SRCIN1: variants seen among roughly 807,000 people sequenced by gnomAD.
SRCIN1 encodes P130Cas-associated protein.
SRCIN1 carries 50 observed loss-of-function variants against 116.2 expected under a neutral mutation model. The ratio of observed to expected loss-of-function variants is 0.43; its 90% CI spans 0.34 to 0.54. The LOEUF (loss-of-function observed/expected upper bound fraction) is 0.54, where lower values mean the gene tolerates loss of function less well. Ranked by LOEUF, SRCIN1 falls within the 20% of genes least tolerant of loss-of-function variation. The probability of loss-of-function intolerance (pLI) is 0.02; values close to 1 mark genes in which losing one functional copy is unlikely to be tolerated. For synonymous variants in SRCIN1, 736 were observed against 750.0 expected (o/e 0.98, Z 0.30); for missense variants, 1,446 against 1,672.0 (o/e 0.86, Z 2.36).
Position 38,563,600 on chromosome 17 carries a change from G to T in SRCIN1, c.542-79C>A. ...CCAGGAGAGCGCGGGGAGCTTTTCG[G>T]AGCTGCGCCAGCCCCGCAGCGGCAG... On this transcript the variant is annotated intron_variant, in intron 4 of 18. Coordinates refer to ENST00000617146, the MANE Select transcript of SRCIN1 (RefSeq NM_025248.3). The surrounding 1 kb of genome is among the most constrained non-coding windows in gnomAD (Gnocchi z 5.8). 2.6e-6 allele frequency: 4 copies of T among 1,519,976 alleles called. No homozygotes were observed. Among genetic ancestry groups the T allele is most frequent in the Non-Finnish European group, 2.7e-6 (3 of 1,131,770 alleles). 94.2% of individuals were successfully genotyped at this position (1,519,976 alleles called of 1,614,324 possible). A position where few individuals can be genotyped will look rare whatever the true frequency, so the allele number is the denominator to read the frequency against.
intron 1 of SRCIN1, among the ~76,000 whole-genome samples, chr17:38,605,074 G>T (rs1187870089): frequency 2.0e-5 from 3 of 152,044 alleles, no homozygotes; most frequent in African/African-American, 4.8e-5. Context: ...GCGGGGAGGG[G>T]GGGTGTGTGG....
chr17:38,562,209 G>C lies in SRCIN1; in HGVS notation c.954C>G (p.Ser318=), dbSNP rs1906313624. The C allele has an allele frequency of 1.4e-6, 2 of 1,426,840 alleles. No homozygotes were observed. 88.4% of individuals were successfully genotyped at this position (1,426,840 alleles called of 1,614,324 possible). A position where few individuals can be genotyped will look rare whatever the true frequency, so the allele number is the denominator to read the frequency against. Reference sequence around the variant, plus strand: ...GCGACGGCGAACCGGACTGCAGCCCGGACGGCAGCCCCGACGGCAGCCCGG... The same window carrying C: ...GCGACGGCGAACCGGACTGCAGCCCCGACGGCAGCCCCGACGGCAGCCCGG... The part of the protein sequence containing the change: ...PPPGLPSGLP[S]GLQSGSPSRS... Residue 318 remains serine, a synonymous_variant, in exon 7 of 19, where the codon TCC becomes TCG. Coordinates refer to ENST00000617146, the MANE Select transcript of SRCIN1 (RefSeq NM_025248.3). This position sits in a 1 kb window ranked among gnomAD's most constrained non-coding sequence, Gnocchi z 4.2.
Position 38,562,194 on chromosome 17 carries a change from ACCGGACTGCAGC to A in SRCIN1, c.957_968del (p.Leu320_Gly323del). 3 of 1,400,514 alleles carry A rather than the reference ACCGGACTGCAGC, an allele frequency of 2.1e-6. No homozygotes were observed. The highest frequency in any genetic ancestry group is 1.8e-6 in the Non-Finnish European group (2 of 1,087,648). The allele number at this position is 1,400,514 out of a possible 1,614,324, so 86.8% of individuals were successfully genotyped here. On this transcript the variant is annotated inframe_deletion, in exon 7 of 19. Coordinates refer to ENST00000617146, the MANE Select transcript of SRCIN1 (RefSeq NM_025248.3). The surrounding 1 kb of genome is among the most constrained non-coding windows in gnomAD (Gnocchi z 4.2). ...ACGATAGGCGCGAACGCGACGGCGA[ACCGGACTGCAGC>A]CCGGACGGCAGCCCCGACGGCAGCC...
chr17:38,560,526 C>T, intron 7 of SRCIN1, 101 bp from the exon 8 acceptor site: 1 of 1,003,990 alleles, frequency 1.0e-6, no homozygotes, highest in Non-Finnish European at 1.5e-6. Flanking sequence ...AACACCGTCC[C>T]ATCCCTGGCT....
At chr17:38,559,797 GA>G (rs1444441297) in intron 9 of SRCIN1, 25 bp from the exon 10 acceptor site, 3 of 1,477,610 alleles carry the variant, frequency 2.0e-6, no homozygotes, top group Non-Finnish European at 1.8e-6. Context: ...GAGGATGGGA[GA>G]AAGTGAACAA....
chr17:38,549,811 C>T (rs1225487108), intron 15 of SRCIN1, among the ~76,000 whole-genome samples: 2 of 152,222 alleles, frequency 1.3e-5, no homozygotes, highest in Admixed American at 6.5e-5. Context: ...AGCACCTCTG[C>T]ACCTGCCAAG....
intron 3 of SRCIN1, among the ~76,000 whole-genome samples, chr17:38,564,937 T>C (rs1035965169): frequency 1.3e-5 from 2 of 152,132 alleles, no homozygotes; most frequent in African/African-American, 2.4e-5. Context: ...TGAGACGACC[T>C]GCCCAGTGCC....
At chr17:38,588,714 C>G (rs548612885) in intron 1 of SRCIN1, among the ~76,000 whole-genome samples, 1 of 152,312 alleles carries the variant, frequency 6.6e-6, no homozygotes, top group South Asian at 2.1e-4. Flanking sequence ...CATATTGTTT[C>G]CAGGGGAAGA....
chr17:38,559,471 G>T, intron 10 of SRCIN1, 114 bp downstream of exon 10: 2 of 1,112,912 alleles, frequency 1.8e-6, no homozygotes, highest in Non-Finnish European at 2.5e-6. Flanking sequence ...AAGGACTCGG[G>T]CGTGGAAGCT....
chr17:38,581,130 G>C (rs983350979), intron 1 of SRCIN1, among the ~76,000 whole-genome samples: 2 of 152,092 alleles, frequency 1.3e-5, no homozygotes. Context: ...CCGCGGACCA[G>C]GCACGATGAC....
At chr17:38,595,317 G>A (rs1423507107) in intron 1 of SRCIN1, among the ~76,000 whole-genome samples, 15 of 151,990 alleles carry the variant, frequency 9.9e-5, no homozygotes, top group African/African-American at 3.1e-4. Context: ...TCCCGGGTTC[G>A]AGCAATTCTC....
At chr17:38,599,718 T>A (rs1383461260) in intron 1 of SRCIN1, among the ~76,000 whole-genome samples, 1 of 152,178 alleles carries the variant, frequency 6.6e-6, no homozygotes, top group African/African-American at 2.4e-5. Flanking sequence ...CACACCCTTA[T>A]GTTTGCCCAC....
At chr17:38,592,832 G>T (rs982196987) in intron 1 of SRCIN1, among the ~76,000 whole-genome samples, 4 of 151,956 alleles carry the variant, frequency 2.6e-5, no homozygotes, top group East Asian at 1.9e-4. Flanking sequence ...TTGTTGGGGG[G>T]GTTGGGGGGC....
intron 3 of SRCIN1, among the ~76,000 whole-genome samples, chr17:38,565,945 C>T (rs941910140): frequency 2.6e-5 from 4 of 152,114 alleles, no homozygotes; most frequent in Non-Finnish European, 5.9e-5. Flanking sequence ...TCTAGGCTGA[C>T]CACCAGTGCC....
chr17:38,567,865 G>C (rs755346571), intron 3 of SRCIN1, among the ~76,000 whole-genome samples: 1 of 152,184 alleles, frequency 6.6e-6, no homozygotes, highest in Non-Finnish European at 1.5e-5. Context: ...CCACAACAAG[G>C]GTCTAAGTCC....
In SRCIN1 at chr17:38,549,103, T is replaced by C. The variant is rs578073967; in HGVS notation, c.3070A>G (p.Thr1024Ala). 1 of 1,611,988 alleles carries C rather than the reference T, an allele frequency of 6.2e-7. No homozygotes were observed. Among genetic ancestry groups the C allele is most frequent in the African/African-American group, 1.3e-5 (1 of 74,846 alleles). Residue 1024 changes from threonine (T) to alanine (A), a missense_variant, in exon 16 of 19, where the codon ACC (threonine) becomes GCC (alanine). Physicochemically the swap from Thr to Ala is moderately conservative, Grantham distance 58. This residue lies in a region of SRCIN1 where 531 missense variants were observed against 633.9 expected (regional missense o/e 0.84). Transcript: ENST00000617146. ...TTGCTGGTGACCACCACCTCTCCGG[T>C]ACGTGTGGTGGTCAGGCCATGGGAG... Reference protein sequence around the residue: ...PSSHGLTTTRTGEVVVTSKKD... With the variant: ...PSSHGLTTTRAGEVVVTSKKD...
At chr17:38,548,475 T>A (rs927356212) in intron 17 of SRCIN1, 82 bp downstream of exon 17, 1 of 1,555,168 alleles carries the variant, frequency 6.4e-7, no homozygotes, top group Non-Finnish European at 8.7e-7. Flanking sequence ...TTCTGCCTCA[T>A]CCTGTCACCT....
chr17:38,549,261 G>A, intron 15 of SRCIN1, 51 bp from the exon 16 acceptor site: 1 of 1,464,852 alleles, frequency 6.8e-7, no homozygotes, highest in Non-Finnish European at 9.0e-7. Flanking sequence ...CTTGGAGTCA[G>A]TGCACTACAT....
chr17:38,584,903 A>G (rs1384116881), intron 1 of SRCIN1, among the ~76,000 whole-genome samples: 1 of 152,160 alleles, frequency 6.6e-6, no homozygotes, highest in Non-Finnish European at 1.5e-5. Context: ...GTAGAGGAAG[A>G]ACGAAGCCAC....
Sources: gnomAD v4.1 joint callset for allele counts (sites outside exome capture counted in the v4.1 genomes callset) on GRCh38, gnomAD v4.1.1 for gene constraint, gnomAD v4.1.1 regional missense constraint, Gnocchi (gnomAD v3.1) non-coding constraint, MANE v1.5 for transcripts, NCBI Gene and HGNC (gene_info 2026-07-23, HGNC 2026-07-21) for gene names.